Variants in PPA1 observed in about 807,000 individuals in gnomAD.
The protein encoded by PPA1 is inorganic pyrophosphatase.
In PPA1, 23 loss-of-function variants were observed where a neutral mutation model predicts 41.8. The observed-to-expected ratio is 0.55, with a 90% CI of 0.40 to 0.78. The LOEUF is 0.78. PPA1 is among the 30% of genes least tolerant of loss of function. The pLI, the probability that PPA1 is intolerant of heterozygous loss-of-function variation, is 0.00. For missense variants in PPA1, 320 were observed against 361.6 expected, an observed-to-expected ratio of 0.89 and a Z score of 0.93; for synonymous variants, 101 against 116.8, an observed-to-expected ratio of 0.86 and a Z score of 0.87.
At chr10:70,210,365 C>CT in intron 6 of PPA1, 1 of 1,364,812 alleles carries the variant, frequency 7.3e-7, no homozygotes, top group Non-Finnish European at 9.8e-7. Flanking sequence ...GCTTGAGGTA[C>CT]TATCCCTGGT....
intron 1 of PPA1, among the ~76,000 whole-genome samples, chr10:70,231,070 A>C (rs1389387590): frequency 6.6e-6 from 1 of 152,254 alleles, no homozygotes; most frequent in Non-Finnish European, 1.5e-5. Flanking sequence ...GTGTTCCCAG[A>C]GACAGCCAGC....
chr10:70,220,601 T>TA lies in PPA1; in HGVS notation c.124-1785_124-1784insT, dbSNP rs35309419. The stretch of plus-strand genomic sequence containing the variant: ...TATATAATTATATATTATATATAAT[T>TA]TATATATATATTATATATAATTTAT... On this transcript the variant is annotated intron_variant, in intron 2 of 10. Transcript: ENST00000373232. Among the ~76,000 whole-genome samples the TA allele has an allele frequency of 3.9e-4, 4 of 10,270 alleles. 1 individual carries two copies. Among genetic ancestry groups the TA allele is most frequent in the African/African-American group, 1.2e-3 (4 of 3,474 alleles). The allele number at this position is 10,270 out of a possible 152,430, so 6.7% of individuals were successfully genotyped here. A position where few individuals can be genotyped will look rare whatever the true frequency, so the allele number is the denominator to read the frequency against.
chr10:70,221,076 A>ATATATATATATTTTTTTT (rs1224550178), intron 2 of PPA1, among the ~76,000 whole-genome samples: 1 of 40,028 alleles, frequency 2.5e-5, no homozygotes, highest in African/African-American at 2.0e-4. Context: ...ATATATATAT[A>ATATATATATATTTTTTTT]TTTTTTTTTT....
At chr10:70,217,779 A>G in intron 4 of PPA1, 33 bp downstream of exon 4, 1 of 1,487,586 alleles carries the variant, frequency 6.7e-7, no homozygotes, top group Non-Finnish European at 9.0e-7. Flanking sequence ...GTAAGCTAAA[A>G]AGTACATTGT....
intron 5 of PPA1, among the ~76,000 whole-genome samples, chr10:70,214,290 C>T (rs1840053713): frequency 6.6e-6 from 1 of 152,162 alleles, no homozygotes; most frequent in Non-Finnish European, 1.5e-5. Flanking sequence ...TTCAATCATA[C>T]ATACATAGAC....
At chr10:70,208,247 C>T (rs1839970337) in intron 8 of PPA1, among the ~76,000 whole-genome samples, 2 of 152,184 alleles carry the variant, frequency 1.3e-5, no homozygotes, top group South Asian at 4.1e-4. Flanking sequence ...ATCATCTTTG[C>T]TGACCTGTTA....
chr10:70,206,337 T>C lies in PPA1; in HGVS notation c.726-4A>G, dbSNP rs913807489. 6.2e-7 allele frequency: 1 copy of C among 1,607,854 alleles called. No homozygotes were observed. The highest frequency in any genetic ancestry group is 8.5e-7 in the Non-Finnish European group (1 of 1,174,478). ...CTCAGACAAAGTTGTATTCATGCTA[T>C]TAAATAAAACAAAAGTAGTCATAAG... is the stretch of plus-strand genomic sequence containing the variant. On this transcript the variant is annotated splice_polypyrimidine_tract_variant and splice_region_variant and intron_variant, in intron 8 of 10. Coordinates refer to ENST00000373232, the MANE Select transcript of PPA1 (RefSeq NM_021129.4).
chr10:70,227,512 G>A (rs748382777), intron 2 of PPA1, among the ~76,000 whole-genome samples: 9 of 152,014 alleles, frequency 5.9e-5, no homozygotes, highest in Non-Finnish European at 1.0e-4. Context: ...TTAGCTGGGC[G>A]TGGTGGTGTA....
intron 6 of PPA1, chr10:70,210,509 G>A: frequency 2.6e-6 from 3 of 1,133,966 alleles, no homozygotes; most frequent in Non-Finnish European, 2.4e-6. Flanking sequence ...TACAGGCACT[G>A]TACATAACAA....
intron 4 of PPA1, 137 bp downstream of exon 4, chr10:70,217,674 TA>T: frequency 1.6e-6 from 1 of 617,326 alleles, no homozygotes; most frequent in Non-Finnish European, 2.5e-6. Flanking sequence ...CATTCTGAGT[TA>T]ATTATCCCTT....
chr10:70,221,075 T>TA (rs1840160348), intron 2 of PPA1, among the ~76,000 whole-genome samples: 4 of 15,156 alleles, frequency 2.6e-4, no homozygotes, highest in African/African-American at 1.4e-3. Flanking sequence ...TATATATATA[T>TA]ATTTTTTTTT....
intron 1 of PPA1, 33 bp from the exon 2 acceptor site, chr10:70,230,432 A>T: frequency 1.9e-6 from 3 of 1,566,778 alleles, no homozygotes; most frequent in Non-Finnish European, 2.6e-6. Flanking sequence ...TTATTACTAT[A>T]ATTAATTGTA....
At chr10:70,220,279 G>A (rs1422401495) in intron 2 of PPA1, among the ~76,000 whole-genome samples, 2 of 124,964 alleles carry the variant, frequency 1.6e-5, no homozygotes, top group Non-Finnish European at 1.6e-5. Context: ...TTGAGACAAG[G>A]TCTCACTCTG....
chr10:70,220,903 TTATATATAATATATATAATTTTTATATA>T lies in PPA1; in HGVS notation c.124-2114_124-2087del, dbSNP rs1564584393. On this transcript the variant is annotated intron_variant, in intron 2 of 10. Transcript: ENST00000373232. Reference sequence around the variant, plus strand: ...ACTTTATATATACTATATATATAATTTATATATAATATATATAATTTTTATATATACTATATATATAATTTATATATAA... The same window carrying T: ...ACTTTATATATACTATATATATAATTTACTATATATATAATTTATATATAA... 5.3e-3 allele frequency among the ~76,000 whole-genome samples: 32 copies of T among 5,996 alleles called. 2 individuals carry two copies. The East Asian group carries it at 0.37, about 69-fold the overall frequency. 3.9% of individuals were successfully genotyped at this position (5,996 alleles called of 152,430 possible).
intron 2 of PPA1, among the ~76,000 whole-genome samples, chr10:70,226,722 C>G (rs1307540011): frequency 6.6e-6 from 1 of 152,054 alleles, no homozygotes; most frequent in Non-Finnish European, 1.5e-5. Context: ...TCAAACTTTT[C>G]TGTTTTGCAA....
At chr10:70,221,027 A>T (rs74988931) in intron 2 of PPA1, among the ~76,000 whole-genome samples, 13,856 of 59,532 alleles carry the variant, frequency 0.23, 2,306 homozygotes, top group Non-Finnish European at 0.28. Flanking sequence ...TTATATATAT[A>T]ATATATATAT....
At chr10:70,230,891 G>A (rs552907982) in intron 1 of PPA1, among the ~76,000 whole-genome samples, 17 of 152,312 alleles carry the variant, frequency 1.1e-4, no homozygotes, top group African/African-American at 2.6e-4. Context: ...GCACTCTGTA[G>A]GCATCTAATA....
intron 7 of PPA1, 39 bp downstream of exon 7, chr10:70,209,519 C>T (rs1839990487): frequency 3.8e-6 from 6 of 1,558,958 alleles, no homozygotes; most frequent in Non-Finnish European, 5.2e-6. Context: ...AGTCTCAATA[C>T]AAATGAGCCT....
chr10:70,211,515 C>T (rs1023946420), intron 6 of PPA1, among the ~76,000 whole-genome samples: 1 of 152,136 alleles, frequency 6.6e-6, no homozygotes, highest in African/African-American at 2.4e-5. Context: ...CTCAGGAAAA[C>T]ACTGAAGTTT....
Sources: gnomAD v4.1 joint callset for allele counts (sites outside exome capture counted in the v4.1 genomes callset) on GRCh38, gnomAD v4.1.1 for gene constraint, MANE v1.5 for transcripts, NCBI Gene and HGNC (gene_info 2026-07-23, HGNC 2026-07-21) for gene names.